PRDX1: variants seen among roughly 807,000 people sequenced by gnomAD.
The protein encoded by PRDX1 is peroxiredoxin 1.
A neutral mutation model predicts 20.7 loss-of-function variants in PRDX1; 19 were observed. The observed-to-expected ratio is 0.92, with a 90% CI of 0.64 to 1.35. The LOEUF (loss-of-function observed/expected upper bound fraction) is 1.35, where lower values mean the gene tolerates loss of function less well. Among genes scored for constraint, PRDX1 ranks in the 40% most tolerant of loss-of-function variants. PRDX1 has a pLI of 0.00. For missense variants in PRDX1, 226 were observed against 240.0 expected, an observed-to-expected ratio of 0.94 and a Z score of 0.38; for synonymous variants, 89 against 83.9, an observed-to-expected ratio of 1.06 and a Z score of -0.33.
chr1:45,517,735 T>TCGCAC (rs1557614747), intron 2 of PRDX1, among the ~76,000 whole-genome samples: 1 of 137,072 alleles, frequency 7.3e-6, no homozygotes, highest in Admixed American at 8.3e-5. Flanking sequence ...TGAGCTGAGA[T>TCGCAC]CGCACCACTG....
At chr1:45,514,411 T>C (rs1009517688) in intron 5 of PRDX1, 96 bp downstream of exon 5, 5 of 1,448,600 alleles carry the variant, frequency 3.5e-6, no homozygotes, top group East Asian at 2.3e-5. Context: ...TCCAAGTCTC[T>C]CATTCCACCT....
intron 3 of PRDX1, 90 bp from the exon 4 acceptor site, chr1:45,515,085 ACTTTCC>A: frequency 6.5e-7 from 1 of 1,531,858 alleles, no homozygotes; most frequent in Admixed American, 2.0e-5. Context: ...TCCTAATCTA[ACTTTCC>A]AAAAAGACTG....
chr1:45,520,723 C>CAAAAAAAAAA (rs71052895), intron 1 of PRDX1, among the ~76,000 whole-genome samples: 5 of 57,544 alleles, frequency 8.7e-5, no homozygotes, highest in Non-Finnish European at 1.3e-4. Flanking sequence ...GACTCCGTCT[C>CAAAAAAAAAA]AAAAAAAAAA....
At chr1:45,516,617 C>A (rs771551705) in intron 2 of PRDX1, among the ~76,000 whole-genome samples, 1 of 152,198 alleles carries the variant, frequency 6.6e-6, no homozygotes. Context: ...GATCTTCAAA[C>A]TGGCCAGGCA....
rs1326671547 is a variant in PRDX1 at position 45,517,410 on chromosome 1, G to A, written c.106+1528C>T. The stretch of plus-strand genomic sequence containing the variant: ...GGAATCTATATCCTCAACTGTCCCA[G>A]GAGATCGAGCTGCTCTGGAACTACA... On this transcript the variant is annotated intron_variant, in intron 2 of 5. Coordinates refer to ENST00000319248, the MANE Select transcript of PRDX1 (RefSeq NM_181697.3). 2.6e-5 allele frequency among the ~76,000 whole-genome samples: 4 copies of A among 152,158 alleles called. No individual in the cohort carries two copies. The South Asian group carries it at 8.3e-4, about 32-fold the overall frequency.
At chr1:45,514,689 T>C (rs1297363389) in intron 4 of PRDX1, 52 bp from the exon 5 acceptor site, 1 of 1,607,822 alleles carries the variant, frequency 6.2e-7, no homozygotes, top group African/African-American at 1.3e-5. Flanking sequence ...ATGTGCTTTG[T>C]TAGAATACAG....
At position 45,519,056 on chromosome 1, in the gene PRDX1, T is replaced by C; in HGVS notation, c.-11-2A>G. The stretch of plus-strand genomic sequence containing the variant: ...TTCCTGAAGACATCTTCCTATCAGC[T>C]AGAAATAACAGAAATGAATTAGAAA... On this transcript the variant is annotated splice_acceptor_variant, in intron 1 of 5. Transcript: ENST00000319248. LOFTEE classifies it low-confidence loss of function (5UTR_SPLICE). 6 of 1,545,702 alleles carry C rather than the reference T, an allele frequency of 3.9e-6. No homozygotes were observed. The highest frequency in any genetic ancestry group is 5.3e-6 in the Non-Finnish European group (6 of 1,136,474).
Position 45,515,563 on chromosome 1 carries a change from C to CA in PRDX1, c.260+90dup. ...GAAGTGAGCGGAGATCACACCACTG[C>CA]ACTCCAGCCTGGGCGACAAAGCAAG... On this transcript the variant is annotated intron_variant, in intron 3 of 5. Transcript: ENST00000319248. 2 of 1,276,562 alleles carry CA rather than the reference C, an allele frequency of 1.6e-6. 1 individual carries two copies. The highest frequency in any genetic ancestry group is 2.1e-6 in the Non-Finnish European group (2 of 950,364). 79.1% of individuals were successfully genotyped at this position (1,276,562 alleles called of 1,614,324 possible).
rs551607787 is a variant in PRDX1, at chr1:45,516,533, A to C, written c.107-726T>G. Among the ~76,000 whole-genome samples, 6 of 152,302 alleles carry C rather than the reference A, an allele frequency of 3.9e-5. No individual in the cohort carries two copies. In the East Asian group the frequency reaches 1.2e-3, roughly 29 times the overall value. Reference sequence around the variant, plus strand: ...GGAGACAGAGAGAGACAGAAAAGACAAAAGTACTAGTGAGTAACAGAACTT... The same window carrying C: ...GGAGACAGAGAGAGACAGAAAAGACCAAAGTACTAGTGAGTAACAGAACTT... On this transcript the variant is annotated intron_variant, in intron 2 of 5. Coordinates refer to ENST00000319248, the MANE Select transcript of PRDX1 (RefSeq NM_181697.3).
rs576602090 is a variant in PRDX1 at position 45,511,503 on chromosome 1, C to T, written c.515-89G>A. ...GGACAAAACCAGTTCTGCACCTGAA[C>T]ACTCAGATACCAGGAAACCTACCCC... is the stretch of plus-strand genomic sequence containing the variant. On this transcript the variant is annotated intron_variant, in intron 5 of 5. Transcript: ENST00000319248. 21 of 1,035,180 alleles carry T rather than the reference C, an allele frequency of 2.0e-5. No individual in the cohort carries two copies. The South Asian group carries it at 3.2e-4, about 16-fold the overall frequency. The allele number at this position is 1,035,180 out of a possible 1,614,324, so 64.1% of individuals were successfully genotyped here.
chr1:45,512,294 G>A (rs1029256758), intron 5 of PRDX1: 4 of 151,142 alleles, frequency 2.6e-5, no homozygotes, highest in Admixed American at 6.6e-5. Flanking sequence ...CTGGAGTGCA[G>A]TGGCGCGATC....
intron 1 of PRDX1, among the ~76,000 whole-genome samples, chr1:45,519,508 C>T (rs528071930): frequency 6.6e-6 from 1 of 152,338 alleles, no homozygotes; most frequent in African/African-American, 2.4e-5. Context: ...GCCTTCATAA[C>T]ATCAGAAGCA....
In PRDX1 at chr1:45,515,667, A is replaced by G. The variant is rs778515078; in HGVS notation, c.247T>C (p.Cys83Arg). 2.4e-5 allele frequency: 38 copies of G among 1,598,894 alleles called. No homozygotes were observed. Among genetic ancestry groups the G allele is most frequent in the South Asian group, 4.6e-5 (4 of 87,642 alleles). The change falls in exon 3 of 6, where the codon TGT becomes CGT. Residue 83 changes from cysteine to arginine, a missense_variant. Coordinates refer to ENST00000319248, the MANE Select transcript of PRDX1 (RefSeq NM_181697.3). ...VIGASVDSHF[C>R]HLAWVNTPKK... ...CAAGAGATTTACCATGCTAGATGAC[A>G]GAAGTGAGAATCCACAGAAGCACCA...
At chr1:45,511,479 G>A in intron 5 of PRDX1, 65 bp from the exon 6 acceptor site, 1 of 1,359,964 alleles carries the variant, frequency 7.4e-7, no homozygotes, top group East Asian at 2.3e-5. Flanking sequence ...TTCTCCTATG[G>A]ACAAAACCAG....
At chr1:45,515,091 C>T in intron 3 of PRDX1, 96 bp from the exon 4 acceptor site, 1 of 1,517,302 alleles carries the variant, frequency 6.6e-7, no homozygotes, top group Non-Finnish European at 8.9e-7. Flanking sequence ...TCTAACTTTC[C>T]AAAAAGACTG....
upstream of PRDX1, among the ~76,000 whole-genome samples, chr1:45,522,287 T>C (rs921207123): frequency 6.6e-6 from 1 of 152,178 alleles, no homozygotes. Context: ...GAACTGTCTA[T>C]CCAAATATTT....
At chr1:45,521,675 A>C (rs1007878987) in intron 1 of PRDX1, 154 bp downstream of exon 1, 1 of 152,334 alleles carries the variant, frequency 6.6e-6, no homozygotes, top group African/African-American at 2.4e-5. Flanking sequence ...GCAGCGCTCA[A>C]GCAGTCTCGG....
intron 4 of PRDX1, 86 bp from the exon 5 acceptor site, chr1:45,514,723 G>T: frequency 6.3e-7 from 1 of 1,584,976 alleles, no homozygotes; most frequent in East Asian, 2.2e-5. Flanking sequence ...GAAGGAAATG[G>T]ACTGGTCTCC....
intron 1 of PRDX1, among the ~76,000 whole-genome samples, chr1:45,521,391 G>A (rs927886512): frequency 5.9e-5 from 9 of 152,192 alleles, no homozygotes; most frequent in African/African-American, 2.2e-4. Flanking sequence ...GGTACCCGAA[G>A]CTCCGCAGCT....
Sources: allele counts gnomAD v4.1 joint callset (sites outside exome capture counted in the v4.1 genomes callset), GRCh38; gene constraint gnomAD v4.1.1; transcripts MANE v1.5; gene names NCBI Gene and HGNC (gene_info 2026-07-23, HGNC 2026-07-21).